The following CNTNAP3B variants were observed in gnomAD, a reference collection of about 807,000 sequenced individuals.
The protein encoded by CNTNAP3B is contactin associated protein family member 3B, also known as contactin-associated protein-like 3B.
A neutral mutation model predicts 108.9 loss-of-function variants in CNTNAP3B; 25 were observed. The observed-to-expected ratio is 0.23, with a 90% CI of 0.17 to 0.32. The LOEUF (loss-of-function observed/expected upper bound fraction) is 0.32, where lower values mean the gene tolerates loss of function less well. Among genes scored for constraint, CNTNAP3B ranks in the 10% least tolerant of loss-of-function variants. The probability of loss-of-function intolerance (pLI) is 1.00; values close to 1 mark genes in which losing one functional copy is unlikely to be tolerated. For missense variants in CNTNAP3B, 252 were observed against 1,210.4 expected (o/e 0.21, Z 11.75); for synonymous variants, 103 against 473.4 (o/e 0.22, Z 10.16).
At position 41,983,221 on chromosome 9, in the gene CNTNAP3B, A is replaced by G. The variant is rs1174217645; in HGVS notation, c.1477+2947T>C. On this transcript the variant is annotated intron_variant, in intron 9 of 23. Coordinates refer to ENST00000377561, the MANE Select transcript of CNTNAP3B (RefSeq NM_001201380.3). ...AGTTTAAAAAAAAAAGAGAAGCATC[A>G]CGTATTTTCTGTAGGAAATGGGAAT... 4 of 136,144 alleles carry G rather than the reference A, an allele frequency of 2.9e-5. 2 individuals carry two copies. The highest frequency in any genetic ancestry group is 1.2e-4 in the African/African-American group (4 of 34,042). The allele number at this position is 136,144 out of a possible 1,614,324, so 8.4% of individuals were successfully genotyped here. A position where few individuals can be genotyped will look rare whatever the true frequency, so the allele number is the denominator to read the frequency against.
chr9:41,916,530 C>T (rs1823521359), intron 18 of CNTNAP3B, among the ~76,000 whole-genome samples: 1 of 152,088 alleles, frequency 6.6e-6, no homozygotes, highest in South Asian at 2.1e-4. Context: ...AGTGAATTCT[C>T]TGCTTTTTGT....
intron 12 of CNTNAP3B, among the ~76,000 whole-genome samples, chr9:41,957,437 C>CT (rs1294579526): frequency 3.3e-5 from 3 of 90,890 alleles, no homozygotes; most frequent in Non-Finnish European, 6.4e-5. Context: ...GGGGTTCAGT[C>CT]TTTTTTTCTC....
At chr9:41,988,238 ATT>A (rs1209677991) in intron 8 of CNTNAP3B, among the ~76,000 whole-genome samples, 13 of 25,874 alleles carry the variant, frequency 5.0e-4, no homozygotes, top group African/African-American at 8.1e-4. Context: ...CCTTCTTTGA[ATT>A]TTTTTTTTTT....
chr9:42,035,899 G>A lies in CNTNAP3B; in HGVS notation c.391-22374C>T, dbSNP rs1232744907. On this transcript the variant is annotated intron_variant, in intron 3 of 23. Transcript: ENST00000377561. The stretch of plus-strand genomic sequence containing the variant: ...TGGTTGGTCTAAAACTCCTGACCTC[G>A]GAGTTCGAGCCCAGCCTGGCCAATA... Among the ~76,000 whole-genome samples, 6 of 141,860 alleles carry A rather than the reference G, an allele frequency of 4.2e-5. 1 individual carries two copies. In the South Asian group the frequency reaches 9.0e-4, roughly 21 times the overall value. 93.1% of individuals were successfully genotyped at this position (141,860 alleles called of 152,430 possible). A position where few individuals can be genotyped will look rare whatever the true frequency, so the allele number is the denominator to read the frequency against.
In CNTNAP3B at chr9:41,995,439, C is replaced by CAAAACA. The variant is rs1185722905; in HGVS notation, c.1071+760_1071+765dup. Among the ~76,000 whole-genome samples the CAAAACA allele has an allele frequency of 1.7e-4, 19 of 110,486 alleles. No homozygotes were observed. In the South Asian group the frequency reaches 2.2e-3, roughly 13 times the overall value. The allele number at this position is 110,486 out of a possible 152,430, so 72.5% of individuals were successfully genotyped here. Reference sequence around the variant, plus strand: ...TGGGCAACAGAGCAAGACTGCATCTCAAAACAAAAACAAAAACAAAAACAA... The same window carrying CAAAACA: ...TGGGCAACAGAGCAAGACTGCATCTCAAAACAAAAACAAAAACAAAAACAAAAACAA... On this transcript the variant is annotated intron_variant, in intron 7 of 23. Coordinates refer to ENST00000377561, the MANE Select transcript of CNTNAP3B (RefSeq NM_001201380.3).
intron 13 of CNTNAP3B, among the ~76,000 whole-genome samples, chr9:41,938,814 C>T (rs1188613921): frequency 6.6e-6 from 1 of 152,284 alleles, no homozygotes; most frequent in Non-Finnish European, 1.5e-5. Context: ...TATCTCATCC[C>T]ATCTTTTTGC....
At chr9:42,110,802 A>C (rs1282034854) in intron 1 of CNTNAP3B, among the ~76,000 whole-genome samples, 4 of 138,688 alleles carry the variant, frequency 2.9e-5, no homozygotes, top group Admixed American at 2.9e-4. Context: ...ACATTATCTT[A>C]ATGAGAGGTT....
intron 3 of CNTNAP3B, among the ~76,000 whole-genome samples, chr9:42,032,482 AAG>A (rs1429668309): frequency 4.6e-5 from 6 of 130,058 alleles, no homozygotes; most frequent in African/African-American, 1.9e-4. Context: ...ATGGTAGACA[AAG>A]AGAAGCATTT....
In CNTNAP3B at chr9:42,096,427, C is replaced by G. The variant is rs893702069; in HGVS notation, c.196+8202G>C. On this transcript the variant is annotated intron_variant, in intron 2 of 23. Coordinates refer to ENST00000377561, the MANE Select transcript of CNTNAP3B (RefSeq NM_001201380.3). ...TTTTTCTACCTCAGACCAAAAGATG[C>G]TTTTGGACTTCAGAAGTGAAGATTA... is the stretch of plus-strand genomic sequence containing the variant. Among the ~76,000 whole-genome samples, 7 of 139,606 alleles carry G rather than the reference C, an allele frequency of 5.0e-5. 1 individual carries two copies. Among genetic ancestry groups the G allele is most frequent in the African/African-American group, 2.0e-4 (7 of 35,260 alleles). 91.6% of individuals were successfully genotyped at this position (139,606 alleles called of 152,430 possible).
At chr9:42,005,365 A>AT (rs1378725134) in intron 4 of CNTNAP3B, among the ~76,000 whole-genome samples, 1 of 66,884 alleles carries the variant, frequency 1.5e-5, no homozygotes, top group Non-Finnish European at 3.1e-5. Flanking sequence ...TAATTTTTGT[A>AT]TTTTTTGTAG....
At chr9:41,963,016 C>T (rs62557277) in intron 11 of CNTNAP3B, among the ~76,000 whole-genome samples, 1 of 152,122 alleles carries the variant, frequency 6.6e-6, no homozygotes, top group Non-Finnish European at 1.5e-5. Flanking sequence ...AAACAGGGAC[C>T]CTTCTAGTAC....
chr9:42,053,561 T>C (rs1826998019), intron 3 of CNTNAP3B, among the ~76,000 whole-genome samples: 1 of 138,010 alleles, frequency 7.2e-6, no homozygotes, highest in Non-Finnish European at 1.5e-5. Context: ...GAGAAATTAG[T>C]AAATATTTCT....
At chr9:42,128,431 C>T (rs2118766812) in intron 1 of CNTNAP3B, among the ~76,000 whole-genome samples, 1 of 135,942 alleles carries the variant, frequency 7.4e-6, no homozygotes, top group Admixed American at 7.3e-5. Context: ...GAACTTTCTA[C>T]TGAGAAACGA....
intron 12 of CNTNAP3B, among the ~76,000 whole-genome samples, chr9:41,958,769 T>C (rs1824959792): frequency 6.6e-6 from 1 of 151,986 alleles, no homozygotes; most frequent in Non-Finnish European, 1.5e-5. Flanking sequence ...ATATTTGCCC[T>C]TGAGGAAAGA....
intron 13 of CNTNAP3B, among the ~76,000 whole-genome samples, chr9:41,943,957 C>T (rs1196450968): frequency 6.6e-6 from 1 of 151,234 alleles, no homozygotes; most frequent in Non-Finnish European, 1.5e-5. Flanking sequence ...AAATAAAACA[C>T]CTTACCTACA....
At chr9:41,930,874 C>T (rs1470861829) in intron 14 of CNTNAP3B, among the ~76,000 whole-genome samples, 2 of 152,164 alleles carry the variant, frequency 1.3e-5, no homozygotes, top group Non-Finnish European at 2.9e-5. Flanking sequence ...GTGTATGTAA[C>T]TGTATATGTA....
At chr9:42,035,443 A>C (rs1826604001) in intron 3 of CNTNAP3B, among the ~76,000 whole-genome samples, 1 of 146,080 alleles carries the variant, frequency 6.8e-6, no homozygotes, top group African/African-American at 2.6e-5. Flanking sequence ...TAACTATTTT[A>C]AGATAAAATC....
At chr9:41,894,328 A>G (rs1823383104) in intron 23 of CNTNAP3B, among the ~76,000 whole-genome samples, 2 of 104,220 alleles carry the variant, frequency 1.9e-5, no homozygotes, top group Non-Finnish European at 3.7e-5. Context: ...GGGTGTTGCT[A>G]TGTTGCCCAG....
At chr9:41,940,431 G>T (rs1824301692) in intron 13 of CNTNAP3B, among the ~76,000 whole-genome samples, 3 of 152,418 alleles carry the variant, frequency 2.0e-5, no homozygotes, top group Middle Eastern at 3.4e-3. Context: ...GAACCAGAAG[G>T]AATGGCATAT....
Sources: allele counts gnomAD v4.1 joint callset (sites outside exome capture counted in the v4.1 genomes callset), GRCh38; gene constraint gnomAD v4.1.1; transcripts MANE v1.5; gene names NCBI Gene and HGNC (gene_info 2026-07-23, HGNC 2026-07-21).